Variants in HS6ST3 observed in about 807,000 individuals in gnomAD.
HS6ST3 encodes heparan sulfate 6-O-sulfotransferase 3.
A neutral mutation model predicts 36.7 loss-of-function variants in HS6ST3; 12 were observed. That is an observed-to-expected ratio of 0.33 (90% CI 0.21 to 0.53). The LOEUF is 0.53. Ranked by LOEUF, HS6ST3 falls within the 20% of genes least tolerant of loss-of-function variation. HS6ST3 has a pLI of 0.95. For synonymous variants in HS6ST3, 240 were observed against 257.5 expected (o/e 0.93, Z 0.65); for missense variants, 584 against 640.9 (o/e 0.91, Z 0.96).
At chr13:96,484,216 A>G (rs991627275) in intron 1 of HS6ST3, among the ~76,000 whole-genome samples, 34 of 152,086 alleles carry the variant, frequency 2.2e-4, no homozygotes, top group African/African-American at 6.8e-4. Flanking sequence ...ATGTTTTGAT[A>G]TATGTGTATA....
intron 1 of HS6ST3, among the ~76,000 whole-genome samples, chr13:96,737,329 A>G (rs1406879174): frequency 2.0e-5 from 3 of 152,218 alleles, no homozygotes; most frequent in Non-Finnish European, 4.4e-5. Flanking sequence ...ATATTTCTAT[A>G]AAAGAGATTA....
intron 1 of HS6ST3, among the ~76,000 whole-genome samples, chr13:96,727,711 A>G (rs1024184525): frequency 6.6e-5 from 10 of 152,076 alleles, no homozygotes; most frequent in African/African-American, 2.2e-4. Flanking sequence ...GTTTGGCAAC[A>G]TTTTCTCACC....
intron 1 of HS6ST3, among the ~76,000 whole-genome samples, chr13:96,649,179 A>G (rs2139011424): frequency 6.6e-6 from 1 of 152,098 alleles, no homozygotes; most frequent in East Asian, 1.9e-4. Flanking sequence ...AGACTGGGTA[A>G]TTTATCAAGG....
chr13:96,691,353 T>C (rs1594837361), intron 1 of HS6ST3, among the ~76,000 whole-genome samples: 1 of 152,098 alleles, frequency 6.6e-6, no homozygotes, highest in East Asian at 1.9e-4. Context: ...CTCCATAGTC[T>C]TTAAAGTGTT....
At chr13:96,232,089 T>C (rs1004267569) in intron 1 of HS6ST3, among the ~76,000 whole-genome samples, 5 of 152,056 alleles carry the variant, frequency 3.3e-5, no homozygotes, top group Non-Finnish European at 7.4e-5. Flanking sequence ...GGAAAAGAGG[T>C]ACAGCACATA....
intron 1 of HS6ST3, among the ~76,000 whole-genome samples, chr13:96,138,389 TTA>T (rs2054012972): frequency 4.4e-5 from 2 of 45,972 alleles, no homozygotes; most frequent in Admixed American, 1.5e-4. Flanking sequence ...ATATATATGT[TTA>T]CAGTTTATAA....
chr13:96,134,212 C>T (rs2053990360), intron 1 of HS6ST3, among the ~76,000 whole-genome samples: 1 of 151,950 alleles, frequency 6.6e-6, no homozygotes, highest in African/African-American at 2.4e-5. Flanking sequence ...ATTTCTTTAT[C>T]TTATGAATTT....
Position 96,091,582 on chromosome 13 carries a change from G to T in HS6ST3, c.707+13G>T, listed in dbSNP as rs761865813. On this transcript the variant is annotated intron_variant, in intron 1 of 1. Coordinates refer to ENST00000376705, the MANE Select transcript of HS6ST3 (RefSeq NM_153456.4). ...ACAGCCACACCAGGTACTGTCGCCC[G>T]CTGGGTCTCTGTTCTTCCCCCCCAC... is the stretch of plus-strand genomic sequence containing the variant. 35 of 1,552,728 alleles carry T rather than the reference G, an allele frequency of 2.3e-5. No individual in the cohort carries two copies. The highest frequency in any genetic ancestry group is 3.3e-4 in the Middle Eastern group (2 of 6,032).
At chr13:96,513,727 A>G (rs2056060254) in intron 1 of HS6ST3, among the ~76,000 whole-genome samples, 1 of 152,140 alleles carries the variant, frequency 6.6e-6, no homozygotes, top group African/African-American at 2.4e-5. Flanking sequence ...ATGCATTGTC[A>G]GGTGATTTCA....
intron 1 of HS6ST3, among the ~76,000 whole-genome samples, chr13:96,789,213 A>G (rs1877722878): frequency 6.6e-6 from 1 of 151,860 alleles, no homozygotes; most frequent in East Asian, 1.9e-4. Flanking sequence ...AGGGATTATA[A>G]TATAGATACT....
intron 1 of HS6ST3, among the ~76,000 whole-genome samples, chr13:96,796,999 T>G (rs1262261422): frequency 6.6e-6 from 1 of 152,090 alleles, no homozygotes; most frequent in African/African-American, 2.4e-5. Flanking sequence ...ATCAATAGGC[T>G]GAGGACATCT....
intron 1 of HS6ST3, among the ~76,000 whole-genome samples, chr13:96,491,310 G>A (rs2055944182): frequency 6.6e-6 from 1 of 151,992 alleles, no homozygotes; most frequent in Admixed American, 6.6e-5. Context: ...CACGGCCACT[G>A]TTTCAGTATT....
rs75885362 is a variant in HS6ST3 at position 96,585,306 on chromosome 13, A to G, written c.708-247184A>G. On this transcript the variant is annotated intron_variant, in intron 1 of 1. Coordinates refer to ENST00000376705, the MANE Select transcript of HS6ST3 (RefSeq NM_153456.4). ...TAAAAGTCTGTCATACCTGCTACGA[A>G]GTTCACAAATCATAAGTATGCAATT... Among the ~76,000 whole-genome samples, 878 of 152,296 alleles carry G rather than the reference A, an allele frequency of 5.8e-3. 5 individuals carry two copies. The highest frequency in any genetic ancestry group is 0.02 in the African/African-American group (830 of 41,562).
chr13:96,572,464 A>G (rs2056304123), intron 1 of HS6ST3, among the ~76,000 whole-genome samples: 1 of 152,142 alleles, frequency 6.6e-6, no homozygotes. Context: ...CATATAAACA[A>G]TTTGCTAATT....
At position 96,325,110 on chromosome 13, in the gene HS6ST3, A is replaced by C. The variant is rs564857738; in HGVS notation, c.707+233541A>C. Among the ~76,000 whole-genome samples the C allele has an allele frequency of 7.1e-4, 108 of 152,300 alleles. 1 individual carries two copies. The highest frequency in any genetic ancestry group is 2.6e-3 in the African/African-American group (107 of 41,566). On this transcript the variant is annotated intron_variant, in intron 1 of 1. Transcript: ENST00000376705. ...TATACTGTAACATTCCCAGACATTC[A>C]ATGAAAAGAAATATTTTTTCCACTT...
intron 1 of HS6ST3, among the ~76,000 whole-genome samples, chr13:96,379,652 G>A (rs1430020850): frequency 2.0e-5 from 3 of 152,152 alleles, no homozygotes; most frequent in Non-Finnish European, 4.4e-5. Flanking sequence ...CTCAAAAGAG[G>A]CAGATCTTTA....
intron 1 of HS6ST3, among the ~76,000 whole-genome samples, chr13:96,726,132 G>A (rs924603054): frequency 1.2e-4 from 19 of 152,188 alleles, no homozygotes; most frequent in South Asian, 4.1e-4. Context: ...CACCGTGCCC[G>A]GCCTATGATA....
At chr13:96,754,171 C>T (rs1876768707) in intron 1 of HS6ST3, among the ~76,000 whole-genome samples, 2 of 152,122 alleles carry the variant, frequency 1.3e-5, no homozygotes, top group Non-Finnish European at 2.9e-5. Context: ...GAACTCAAAA[C>T]ATCCCCTTTT....
intron 1 of HS6ST3, among the ~76,000 whole-genome samples, chr13:96,239,604 A>G (rs1378893161): frequency 6.6e-6 from 1 of 152,354 alleles, no homozygotes; most frequent in South Asian, 2.1e-4. Flanking sequence ...TTTTTACTGT[A>G]CAAAAGAAAT....
Sources: allele counts gnomAD v4.1 joint callset (sites outside exome capture counted in the v4.1 genomes callset), GRCh38; gene constraint gnomAD v4.1.1; transcripts MANE v1.5; gene names NCBI Gene and HGNC (gene_info 2026-07-23, HGNC 2026-07-21).